Variants in CTR9 observed in about 807,000 individuals in gnomAD.
CTR9 encodes RNA polymerase-associated protein CTR9 homolog.
CTR9 carries 41 observed loss-of-function variants against 152.1 expected under a neutral mutation model. The observed-to-expected ratio is 0.27, with a 90% CI of 0.21 to 0.35. The LOEUF is 0.35. Ranked by LOEUF, CTR9 falls within the 10% of genes least tolerant of loss-of-function variation. CTR9 has a pLI of 1.00. For synonymous variants in CTR9, 476 were observed against 496.2 expected (o/e 0.96, Z 0.54); for missense variants, 917 against 1,424.4 (o/e 0.64, Z 5.73).
chr11:10,757,298 AATAG>A (rs766562542), intron 5 of CTR9, among the ~76,000 whole-genome samples: 45 of 149,310 alleles, frequency 3.0e-4, no homozygotes, highest in Admixed American at 6.7e-4. Flanking sequence ...GGGAAAAAAA[AATAG>A]ATAGGGTCTG....
chr11:10,775,849 G>A (rs941163950), intron 24 of CTR9, among the ~76,000 whole-genome samples: 2 of 152,158 alleles, frequency 1.3e-5, no homozygotes, highest in African/African-American at 4.8e-5. Flanking sequence ...GAATCTGAGA[G>A]CTGGAAGAAA....
intron 9 of CTR9, 33 bp from the exon 10 acceptor site, chr11:10,764,079 A>G (rs753928232): frequency 6.3e-7 from 1 of 1,597,234 alleles, no homozygotes; most frequent in South Asian, 1.1e-5. Context: ...CTATAGATGG[A>G]ATACTTCAGC....
intron 16 of CTR9, among the ~76,000 whole-genome samples, chr11:10,768,758 C>T (rs1319543428): frequency 6.6e-6 from 1 of 152,174 alleles, no homozygotes; most frequent in East Asian, 1.9e-4. Flanking sequence ...ATAATTGTAC[C>T]TTAACTTCAT....
chr11:10,773,689 A>G (rs1417391603), intron 21 of CTR9, among the ~76,000 whole-genome samples: 1 of 151,942 alleles, frequency 6.6e-6, no homozygotes, highest in Non-Finnish European at 1.5e-5. Context: ...GGAGTCTGAG[A>G]CCAGTTTGGC....
intron 24 of CTR9, among the ~76,000 whole-genome samples, chr11:10,775,936 G>A (rs545290228): frequency 1.3e-5 from 2 of 152,182 alleles, no homozygotes; most frequent in African/African-American, 2.4e-5. Context: ...ATTTCTTCAT[G>A]GATGTTAGCT....
In CTR9 at chr11:10,774,062, T is replaced by C. The variant is rs747602683; in HGVS notation, c.2778T>C (p.Asp926=). The C allele has an allele frequency of 7.4e-6, 12 of 1,613,312 alleles. No individual in the cohort carries two copies. In the Admixed American group the frequency reaches 1.5e-4, roughly 20 times the overall value. ...EFDEFVNDDT[D]DDLPISKKKK... ...ATGAATTTGTCAATGATGACACTGA[T>C]GATGACCTACCTATATCCAAAAAGA... The change falls in exon 22 of 25, where the codon GAT becomes GAC. Residue 926 remains aspartate (D), a synonymous_variant. Coordinates refer to ENST00000361367, the MANE Select transcript of CTR9 (RefSeq NM_014633.5).
rs926530537 is a variant in CTR9, at chr11:10,773,132, G to A, written c.2586G>A (p.Glu862=). 1.3e-6 allele frequency: 2 copies of A among 1,593,756 alleles called. No individual in the cohort carries two copies. Among genetic ancestry groups the A allele is most frequent in the African/African-American group, 1.4e-5 (1 of 73,206 alleles). ...TCTACCATTTTTCCTCATAGGAAGA[G>A]AAACGTCTCAGAGAAAAGGAAGAGC... is the stretch of plus-strand genomic sequence containing the variant. The part of the protein sequence containing the change: ...LRQKLLKEQE[E]KRLREKEEQK... Residue 862 remains glutamate (E), a synonymous_variant, in exon 21 of 25, where the codon GAG becomes GAA. Coordinates refer to ENST00000361367, the MANE Select transcript of CTR9 (RefSeq NM_014633.5).
Position 10,767,051 on chromosome 11 carries a change from A to G in CTR9, c.1686+561A>G, listed in dbSNP as rs1049593697. 6.6e-6 allele frequency: 1 copy of G among 152,644 alleles called. No homozygotes were observed. The highest frequency in any genetic ancestry group is 2.4e-5 in the African/African-American group (1 of 41,476). 9.5% of individuals were successfully genotyped at this position (152,644 alleles called of 1,614,324 possible). The stretch of plus-strand genomic sequence containing the variant: ...TTTTTACTTTATTCCATTCTGTTGC[A>G]TTTACTATGCAGATAACTAAAGACT... On this transcript the variant is annotated intron_variant, in intron 13 of 24. Coordinates refer to ENST00000361367, the MANE Select transcript of CTR9 (RefSeq NM_014633.5). The surrounding 1 kb of genome is among the most constrained non-coding windows in gnomAD (Gnocchi z 4.0).
intron 19 of CTR9, 114 bp downstream of exon 19, chr11:10,771,730 C>A: frequency 1.4e-6 from 1 of 716,940 alleles, no homozygotes; most frequent in Non-Finnish European, 2.5e-6. Flanking sequence ...GTCAGTCTTT[C>A]ACACTTCTCT....
chr11:10,776,276 G>T (rs1457203515), intron 24 of CTR9, among the ~76,000 whole-genome samples: 1 of 152,078 alleles, frequency 6.6e-6, no homozygotes, highest in Non-Finnish European at 1.5e-5. Context: ...GTAGAGACGG[G>T]GTTTCTCCGT....
In CTR9 at chr11:10,768,511, G is replaced by T. The variant is rs1038634085; in HGVS notation, c.2109+20G>T. 12 of 1,577,626 alleles carry T rather than the reference G, an allele frequency of 7.6e-6. No individual in the cohort carries two copies. The highest frequency in any genetic ancestry group is 1.0e-5 in the Non-Finnish European group (12 of 1,165,274). ...CAGATGGTAATAGCTTCTCTTTCAAGATATTTTTATATCTTGTTCATTGTT... is the reference window on the plus strand; with the variant it reads ...CAGATGGTAATAGCTTCTCTTTCAATATATTTTTATATCTTGTTCATTGTT... On this transcript the variant is annotated intron_variant, in intron 16 of 24. Transcript: ENST00000361367.
chr11:10,779,355 A>C lies in CTR9; in HGVS notation c.*250A>C. 4.9e-6 allele frequency: 2 copies of C among 410,094 alleles called. No homozygotes were observed. Among genetic ancestry groups the C allele is most frequent in the Non-Finnish European group, 8.7e-6 (2 of 228,936 alleles). The allele number at this position is 410,094 out of a possible 1,614,324, so 25.4% of individuals were successfully genotyped here. On this transcript the variant is annotated 3_prime_UTR_variant, in exon 25 of 25. Transcript: ENST00000361367. ...CCTATCATATGTGAAAACTGCAGTA[A>C]AAATAAACCCAGATGCTAAATCATT...
rs1863296814 is a variant in CTR9 at position 10,779,430 on chromosome 11, T to C, written c.*325T>C. 4 of 238,880 alleles carry C rather than the reference T, an allele frequency of 1.7e-5. No homozygotes were observed. The South Asian group carries it at 2.0e-4, about 12-fold the overall frequency. 14.8% of individuals were successfully genotyped at this position (238,880 alleles called of 1,614,324 possible). On this transcript the variant is annotated 3_prime_UTR_variant, in exon 25 of 25. Coordinates refer to ENST00000361367, the MANE Select transcript of CTR9 (RefSeq NM_014633.5). ...TGGCAGATGTCTCATCTTCTTTATA[T>C]GTTAAGCAGCATACTCTTCTGATTT...
chr11:10,774,483 G>C (rs1564972561), intron 22 of CTR9, among the ~76,000 whole-genome samples: 1 of 152,228 alleles, frequency 6.6e-6, no homozygotes, highest in African/African-American at 2.4e-5. Flanking sequence ...CACACTAACT[G>C]TGCATGTGCA....
At chr11:10,774,201 CT>C in intron 22 of CTR9, 32 bp downstream of exon 22, 1 of 1,571,254 alleles carries the variant, frequency 6.4e-7, no homozygotes, top group Non-Finnish European at 8.6e-7. Flanking sequence ...TTTAAGTAAC[CT>C]CATAAAAGTG....
chr11:10,761,878 A>T (rs1255340197), intron 6 of CTR9, 69 bp from the exon 7 acceptor site: 4 of 1,012,412 alleles, frequency 4.0e-6, no homozygotes, highest in Non-Finnish European at 5.9e-6. Context: ...TTGTGACTAA[A>T]GAAAACTTCT....
At chr11:10,775,940 G>C (rs996838969) in intron 24 of CTR9, among the ~76,000 whole-genome samples, 18 of 152,138 alleles carry the variant, frequency 1.2e-4, no homozygotes, top group African/African-American at 4.1e-4. Context: ...CTTCATGGAT[G>C]TTAGCTGAAA....
Position 10,763,533 on chromosome 11 carries a change from G to C in CTR9, c.952G>C (p.Val318Leu). The change falls in exon 8 of 25, where the codon GTT becomes CTT. Residue 318 changes from valine (V) to leucine (L), a missense_variant. Coordinates refer to ENST00000361367, the MANE Select transcript of CTR9 (RefSeq NM_014633.5). ...CTATCAGCTAGCTAGATCATTCCAT[G>C]TTCAGGTAATTTTATAACTTCTCTA... ...SCYQLARSFH[V>L]QEDYDQAFQY... 1 of 1,596,798 alleles carries C rather than the reference G, an allele frequency of 6.3e-7. No individual in the cohort carries two copies. The highest frequency in any genetic ancestry group is 8.5e-7 in the Non-Finnish European group (1 of 1,174,850).
intron 19 of CTR9, among the ~76,000 whole-genome samples, 183 bp from the exon 20 acceptor site, chr11:10,772,335 CAA>C (rs1863156047): frequency 6.6e-6 from 1 of 151,872 alleles, no homozygotes; most frequent in African/African-American, 2.4e-5. Flanking sequence ...ACCTAGGCAA[CAA>C]GAGCAAAACT....
Sources: gnomAD v4.1 joint callset for allele counts (sites outside exome capture counted in the v4.1 genomes callset) on GRCh38, gnomAD v4.1.1 for gene constraint, Gnocchi (gnomAD v3.1) non-coding constraint, MANE v1.5 for transcripts, NCBI Gene and HGNC (gene_info 2026-07-23, HGNC 2026-07-21) for gene names.